FUNDC1: variants seen among roughly 807,000 people sequenced by gnomAD.
FUNDC1 encodes the protein FUN14 domain containing 1.
FUNDC1 carries 10 observed loss-of-function variants against 14.5 expected under a neutral mutation model. The ratio of observed to expected loss-of-function variants is 0.69; its 90% CI spans 0.43 to 1.17. The LOEUF (loss-of-function observed/expected upper bound fraction) is 1.17, where lower values mean the gene tolerates loss of function less well. Among genes scored for constraint, FUNDC1 ranks in the 50% most tolerant of loss-of-function variants. The pLI is 0.00. For synonymous variants in FUNDC1, 33 were observed against 39.7 expected (o/e 0.83, Z 0.64); for missense variants, 115 against 113.8 (o/e 1.01, Z -0.05).
intron 4 of FUNDC1, among the ~76,000 whole-genome samples, chrX:44,526,487 AGG>A (rs66536007): frequency 8.9e-5 from 8 of 89,667 alleles, no homozygotes; most frequent in Non-Finnish European, 1.3e-4. Context: ...AAAATAAAAA[AGG>A]GGGGGGGGCG....
At chrX:44,540,991 T>C (rs955752587) in intron 2 of FUNDC1, among the ~76,000 whole-genome samples, 1 of 111,059 alleles carries the variant, frequency 9.0e-6, no homozygotes, top group Non-Finnish European at 1.9e-5. Flanking sequence ...TATCATAAAA[T>C]GGCATTTGCA....
chrX:44,524,579 C>T (rs2038893932), intron 4 of FUNDC1, among the ~76,000 whole-genome samples: 1 of 111,174 alleles, frequency 9.0e-6, no homozygotes. Flanking sequence ...AATGGTTAAA[C>T]TGGTAAAATT....
At chrX:44,539,438 G>A (rs1164182313) in intron 2 of FUNDC1, among the ~76,000 whole-genome samples, 2 of 111,338 alleles carry the variant, frequency 1.8e-5, no homozygotes, top group African/African-American at 3.3e-5. Flanking sequence ...CGATAAGGAC[G>A]CACACAGAGG....
chrX:44,534,800 T>A (rs1263113626), intron 3 of FUNDC1, among the ~76,000 whole-genome samples: 1 of 111,952 alleles, frequency 8.9e-6, no homozygotes, highest in Non-Finnish European at 1.9e-5. Context: ...CCCATTCTCA[T>A]TTTCTACGAA....
chrX:44,534,863 T>C (rs941018317), intron 3 of FUNDC1, among the ~76,000 whole-genome samples: 35 of 111,993 alleles, frequency 3.1e-4, no homozygotes, highest in African/African-American at 1.1e-3. Context: ...AGACATAGGA[T>C]AGGCCAGGTG....
rs771007114 is a variant in FUNDC1 at position 44,526,010 on chromosome X, G to A, written c.390+1227C>T. ...TCCCAGCTACTTGGGAGGCTGAGGTGGGAGGACCATTTGAGCCAGGGGAGT... is the reference window on the plus strand; with the variant it reads ...TCCCAGCTACTTGGGAGGCTGAGGTAGGAGGACCATTTGAGCCAGGGGAGT... On this transcript the variant is annotated intron_variant, in intron 4 of 4. Coordinates refer to ENST00000378045, the MANE Select transcript of FUNDC1 (RefSeq NM_173794.4). Among the ~76,000 whole-genome samples, 15 of 110,117 alleles carry A rather than the reference G, an allele frequency of 1.4e-4. No homozygotes were observed. The East Asian group carries it at 4.0e-3, about 29-fold the overall frequency.
At chrX:44,530,324 G>C (rs775140030) in intron 3 of FUNDC1, among the ~76,000 whole-genome samples, 3 of 112,221 alleles carry the variant, frequency 2.7e-5, no homozygotes, top group Non-Finnish European at 5.6e-5. Flanking sequence ...AATAATTCCA[G>C]GCCGGGCTCC....
chrX:44,523,946 A>AT lies in FUNDC1; in HGVS notation c.*251dup, dbSNP rs1400125020. Reference sequence around the variant, plus strand: ...TAGGCTAGTTTCTAAACAGATGCAAATTTTTACAAAGCGATGAAAGCCACG... The same window carrying AT: ...TAGGCTAGTTTCTAAACAGATGCAAATTTTTTACAAAGCGATGAAAGCCACG... On this transcript the variant is annotated 3_prime_UTR_variant, in exon 5 of 5. Transcript: ENST00000378045. The AT allele has an allele frequency of 1.7e-5, 5 of 295,465 alleles. No homozygotes were observed. The Admixed American group carries it at 3.0e-4, about 18-fold the overall frequency. 24.3% of individuals were successfully genotyped at this position (295,465 alleles called of 1,213,427 possible).
rs1569187093 is a variant in FUNDC1, at chrX:44,531,298, A to ACACAC, written c.262-3934_262-3933insGTGTG. On this transcript the variant is annotated intron_variant, in intron 3 of 4. Transcript: ENST00000378045. ...CACACACACACACGGCTTTCAGATG[A>ACACAC]AGATTCATGTTGGCCAGACACACAC... 9.4e-4 allele frequency among the ~76,000 whole-genome samples: 36 copies of ACACAC among 38,134 alleles called. 2 individuals are homozygous for ACACAC. Among genetic ancestry groups the ACACAC allele is most frequent in the South Asian group, 2.6e-3 (2 of 779 alleles). The allele number at this position is 38,134 out of a possible 115,157, so 33.1% of individuals were successfully genotyped here. A position where few individuals can be genotyped will look rare whatever the true frequency, so the allele number is the denominator to read the frequency against.
In FUNDC1 at chrX:44,525,378, A is replaced by G. The variant is rs191691738; in HGVS notation, c.391-1103T>C. Among the ~76,000 whole-genome samples, 259 of 106,799 alleles carry G rather than the reference A, an allele frequency of 2.4e-3. 1 individual carries two copies. Among genetic ancestry groups the G allele is most frequent in the Non-Finnish European group, 3.7e-3 (190 of 51,771 alleles). The allele number at this position is 106,799 out of a possible 115,157, so 92.7% of individuals were successfully genotyped here. ...TAATTTTTGTATTTTCTGTAGAGAC[A>G]AGGTCTCTCTCTCTTACCCAGGCTG... On this transcript the variant is annotated intron_variant, in intron 4 of 4. Coordinates refer to ENST00000378045, the MANE Select transcript of FUNDC1 (RefSeq NM_173794.4).
chrX:44,527,445 T>C, intron 3 of FUNDC1, 80 bp from the exon 4 acceptor site: 1 of 726,607 alleles, frequency 1.4e-6, no homozygotes, highest in Non-Finnish European at 1.9e-6. Context: ...TATAAACACT[T>C]AAGAGTTCTA....
Position 44,542,003 on chromosome X carries a change from G to A in FUNDC1, c.127C>T (p.Pro43Ser). 1 of 1,205,402 alleles carries A rather than the reference G, an allele frequency of 8.3e-7. No individual in the cohort carries two copies. The highest frequency in any genetic ancestry group is 3.0e-5 in the East Asian group (1 of 33,766). Reference protein sequence around the residue: ...WNRVFGHSSGPMVEKYSVATQ... With the variant: ...WNRVFGHSSGSMVEKYSVATQ... ...GCTACTGAGTATTTTTCTACCATAGGTCCCGAACTGTGGCCAAACACTCGA... is the reference window on the plus strand; with the variant it reads ...GCTACTGAGTATTTTTCTACCATAGATCCCGAACTGTGGCCAAACACTCGA... Residue 43 changes from proline to serine, a missense_variant, in exon 2 of 5, where the codon CCT becomes TCT. By Grantham distance (74) the Pro-to-Ser change is moderately conservative. Coordinates refer to ENST00000378045, the MANE Select transcript of FUNDC1 (RefSeq NM_173794.4).
chrX:44,528,597 T>G (rs2147471645), intron 3 of FUNDC1, among the ~76,000 whole-genome samples: 2 of 113,098 alleles, frequency 1.8e-5, no homozygotes, highest in East Asian at 5.5e-4. Flanking sequence ...GAATTTTACT[T>G]TTTGCTGAAT....
intron 4 of FUNDC1, 151 bp from the exon 5 acceptor site, chrX:44,524,426 CATT>C (rs2038893300): frequency 6.9e-6 from 3 of 432,393 alleles, no homozygotes. Flanking sequence ...GAATACAGAT[CATT>C]AAGAGCTGGG....
intron 3 of FUNDC1, among the ~76,000 whole-genome samples, chrX:44,528,964 G>A (rs1298840375): frequency 9.0e-6 from 1 of 111,649 alleles, no homozygotes; most frequent in Non-Finnish European, 1.9e-5. Flanking sequence ...CAAAGTGCTG[G>A]GATTACAGGC....
intron 2 of FUNDC1, among the ~76,000 whole-genome samples, chrX:44,540,342 C>T (rs1014434336): frequency 5.4e-5 from 6 of 111,164 alleles, no homozygotes; most frequent in African/African-American, 2.0e-4. Flanking sequence ...TGCAACAAAT[C>T]GCCTGTATAA....
At chrX:44,534,969 A>G (rs1370402605) in intron 3 of FUNDC1, among the ~76,000 whole-genome samples, 4 of 111,165 alleles carry the variant, frequency 3.6e-5, no homozygotes, top group Non-Finnish European at 5.7e-5. Flanking sequence ...CAACATAGCA[A>G]GACCTCCCTA....
At chrX:44,542,702 A>G in intron 1 of FUNDC1, 103 bp downstream of exon 1, 1 of 814,661 alleles carries the variant, frequency 1.2e-6, no homozygotes, top group Non-Finnish European at 1.7e-6. Context: ...AAAAAAATGG[A>G]GCTCGAAGAA....
At chrX:44,533,582 C>G (rs1209932040) in intron 3 of FUNDC1, among the ~76,000 whole-genome samples, 1 of 88,046 alleles carries the variant, frequency 1.1e-5, no homozygotes, top group East Asian at 4.1e-4. Flanking sequence ...GAGCCGAGAT[C>G]GTGCCACTGC....
Sources: allele counts gnomAD v4.1 joint callset (sites outside exome capture counted in the v4.1 genomes callset), GRCh38; gene constraint gnomAD v4.1.1; transcripts MANE v1.5; gene names NCBI Gene and HGNC (gene_info 2026-07-23, HGNC 2026-07-21).